The following DRAXIN variants were observed in gnomAD, a reference collection of about 807,000 sequenced individuals.
The protein encoded by DRAXIN is dorsal inhibitory axon guidance protein, also known as dorsal repulsive axon guidance protein.
A neutral mutation model predicts 33.9 loss-of-function variants in DRAXIN; 27 were observed. The observed-to-expected ratio is 0.80, with a 90% CI of 0.59 to 1.10. DRAXIN has a LOEUF of 1.10. DRAXIN is among the 50% of genes least tolerant of loss of function. The probability of loss-of-function intolerance (pLI) is 0.00; values close to 1 mark genes in which losing one functional copy is unlikely to be tolerated. For synonymous variants in DRAXIN, 178 were observed against 194.0 expected (o/e 0.92, Z 0.69); for missense variants, 371 against 460.8 (o/e 0.81, Z 1.78).
Position 11,706,795 on chromosome 1 carries a change from G to C in DRAXIN, c.451+86G>C. The C allele has an allele frequency of 7.2e-7, 1 of 1,394,226 alleles. No individual in the cohort carries two copies. Among genetic ancestry groups the C allele is most frequent in the East Asian group, 2.5e-5 (1 of 40,056 alleles). The allele number at this position is 1,394,226 out of a possible 1,614,324, so 86.4% of individuals were successfully genotyped here. A position where few individuals can be genotyped will look rare whatever the true frequency, so the allele number is the denominator to read the frequency against. ...CAGGAGAGGATGCAGGCAAGGGTCA[G>C]GGGCATGAGGTCCAGAGGAGAGGAG... On this transcript the variant is annotated intron_variant, in intron 2 of 6. Coordinates refer to ENST00000294485, the MANE Select transcript of DRAXIN (RefSeq NM_198545.4). The surrounding 1 kb of genome is among the most constrained non-coding windows in gnomAD (Gnocchi z 5.5).
rs1219205121 is a variant in DRAXIN at position 11,692,094 on chromosome 1, C to A, written c.-11+241C>A. 6.6e-6 allele frequency among the ~76,000 whole-genome samples: 1 copy of A among 152,142 alleles called. No individual in the cohort carries two copies. Among genetic ancestry groups the A allele is most frequent in the Non-Finnish European group, 1.5e-5 (1 of 68,012 alleles). On this transcript the variant is annotated intron_variant, in intron 1 of 6. Transcript: ENST00000294485. This position sits in a 1 kb window ranked among gnomAD's most constrained non-coding sequence, Gnocchi z 5.8. ...TGGCTCTGCTCCCGGGCTCCCCATC[C>A]GTCCACCTACCGCTGGACGCCCACT...
chr1:11,691,101 G>A (rs751736111), upstream of DRAXIN, among the ~76,000 whole-genome samples: 45 of 152,126 alleles, frequency 3.0e-4, no homozygotes, highest in Non-Finnish European at 5.1e-4. Flanking sequence ...AACCCCGCCT[G>A]CCCACTCTGC....
chr1:11,714,504 A>G (rs1641543807), intron 5 of DRAXIN, among the ~76,000 whole-genome samples: 1 of 152,204 alleles, frequency 6.6e-6, no homozygotes, highest in Admixed American at 6.5e-5. Flanking sequence ...CCCAAGAGAG[A>G]TCGGAGCGGC....
chr1:11,702,310 A>G (rs542911532), intron 1 of DRAXIN, among the ~76,000 whole-genome samples: 1 of 151,312 alleles, frequency 6.6e-6, no homozygotes, highest in East Asian at 1.9e-4. Context: ...CACAGCACAC[A>G]CACACGCTCA....
Position 11,691,826 on chromosome 1 carries a change from C to T in DRAXIN, c.-38C>T, listed in dbSNP as rs1403609139. 1 of 151,738 alleles carries T rather than the reference C, an allele frequency of 6.6e-6. No individual in the cohort carries two copies. Among genetic ancestry groups the T allele is most frequent in the Non-Finnish European group, 1.5e-5 (1 of 67,914 alleles). 9.4% of individuals were successfully genotyped at this position (151,738 alleles called of 1,614,324 possible). ...CCCGCGGGCGCTCGGCCCCGAGCCCCTCCTCCCCCTACCCGCCGGCCGGAC... is the reference window on the plus strand; with the variant it reads ...CCCGCGGGCGCTCGGCCCCGAGCCCTTCCTCCCCCTACCCGCCGGCCGGAC... On this transcript the variant is annotated 5_prime_UTR_variant, in exon 1 of 7. Transcript: ENST00000294485.
chr1:11,711,714 G>C (rs1641498015), intron 3 of DRAXIN, 137 bp from the exon 4 acceptor site: 1 of 735,182 alleles, frequency 1.4e-6, no homozygotes, highest in East Asian at 2.7e-5. Flanking sequence ...ATGTCCTTGG[G>C]CTGAGACTCC....
At chr1:11,708,911 A>T (rs542096790) in intron 2 of DRAXIN, among the ~76,000 whole-genome samples, 15 of 152,020 alleles carry the variant, frequency 9.9e-5, no homozygotes, top group African/African-American at 3.6e-4. Context: ...ATTTCTCCCT[A>T]CTCAAACTTC....
intron 1 of DRAXIN, among the ~76,000 whole-genome samples, chr1:11,700,939 C>A (rs114037351): frequency 0.016 from 2,473 of 152,274 alleles, 64 homozygotes; most frequent in African/African-American, 0.057. Flanking sequence ...GCAGGCGGGG[C>A]AGGATCCCCC....
upstream of DRAXIN, among the ~76,000 whole-genome samples, chr1:11,690,108 T>C (rs776227916): frequency 6.6e-6 from 1 of 152,142 alleles, no homozygotes; most frequent in Non-Finnish European, 1.5e-5. The surrounding 1 kb of genome is among the most constrained non-coding windows in gnomAD (Gnocchi z 4.2). Context: ...TAATGTGCTT[T>C]ACTTTTCTTC....
chr1:11,719,938 G>A lies in DRAXIN; in HGVS notation c.*242G>A. On this transcript the variant is annotated 3_prime_UTR_variant, in exon 7 of 7. Coordinates refer to ENST00000294485, the MANE Select transcript of DRAXIN (RefSeq NM_198545.4). The stretch of plus-strand genomic sequence containing the variant: ...ACGCAGCCTCCATCCCGCGTGTCTT[G>A]CTCTCCGCGATGGCAATGCCGAGAG... 2.0e-6 allele frequency: 1 copy of A among 497,256 alleles called. No homozygotes were observed. 30.8% of individuals were successfully genotyped at this position (497,256 alleles called of 1,614,324 possible).
In DRAXIN at chr1:11,706,846, T is replaced by TGG; in HGVS notation, c.451+138_451+139dup. On this transcript the variant is annotated intron_variant, in intron 2 of 6. Coordinates refer to ENST00000294485, the MANE Select transcript of DRAXIN (RefSeq NM_198545.4). The surrounding 1 kb of genome is among the most constrained non-coding windows in gnomAD (Gnocchi z 5.5). The stretch of plus-strand genomic sequence containing the variant: ...GGGTCTCACTGAAGCCAGAGGGACC[T>TGG]GGTAAGGGGAGGAGGCTGGGAGAGG... 1.0e-6 allele frequency: 1 copy of TGG among 986,844 alleles called. No individual in the cohort carries two copies. Among genetic ancestry groups the TGG allele is most frequent in the Non-Finnish European group, 1.4e-6 (1 of 694,850 alleles). 61.1% of individuals were successfully genotyped at this position (986,844 alleles called of 1,614,324 possible).
intron 3 of DRAXIN, among the ~76,000 whole-genome samples, 187 bp downstream of exon 3, chr1:11,709,652 C>A (rs1641445811): frequency 6.6e-6 from 1 of 152,188 alleles, no homozygotes; most frequent in Non-Finnish European, 1.5e-5. Context: ...CCCATCCTGA[C>A]AAGGGTCTGC....
At chr1:11,690,477 G>A (rs1641040404), upstream of DRAXIN, among the ~76,000 whole-genome samples, 1 of 152,166 alleles carries the variant, frequency 6.6e-6, no homozygotes, top group Non-Finnish European at 1.5e-5. The surrounding 1 kb of genome is among the most constrained non-coding windows in gnomAD (Gnocchi z 4.2). Flanking sequence ...TGAAATTTAG[G>A]TATAATCATG....
intron 1 of DRAXIN, among the ~76,000 whole-genome samples, chr1:11,695,204 C>T (rs543316356): frequency 6.6e-6 from 1 of 152,304 alleles, no homozygotes; most frequent in South Asian, 2.1e-4. Flanking sequence ...ACTTGCTCTA[C>T]TAGGCTATCT....
rs1248961247 is a variant in DRAXIN at position 11,721,451 on chromosome 1, A to G, written c.*1755A>G. The stretch of plus-strand genomic sequence containing the variant: ...TCCAGGGCGAACCAGGTTGCAAATG[A>G]CAAAAGACTTTCCTGGCCAAATTCC... On this transcript the variant is annotated 3_prime_UTR_variant, in exon 7 of 7. Transcript: ENST00000294485. 6.6e-6 allele frequency: 1 copy of G among 152,246 alleles called. No homozygotes were observed. Among genetic ancestry groups the G allele is most frequent in the African/African-American group, 2.4e-5 (1 of 41,458 alleles). 9.4% of individuals were successfully genotyped at this position (152,246 alleles called of 1,614,324 possible).
intron 1 of DRAXIN, among the ~76,000 whole-genome samples, chr1:11,700,763 GC>G (rs532821931): frequency 8.5e-5 from 13 of 152,188 alleles, no homozygotes; most frequent in Non-Finnish European, 1.8e-4. Flanking sequence ...CATCTGAGCA[GC>G]ACTGATATCC....
At chr1:11,700,509 GT>G (rs1365170152) in intron 1 of DRAXIN, among the ~76,000 whole-genome samples, 119 of 152,324 alleles carry the variant, frequency 7.8e-4, no homozygotes, top group African/African-American at 2.7e-3. Flanking sequence ...TTCAAATTGG[GT>G]AGAGAATGTA....
At chr1:11,700,887 T>A (rs1641263105) in intron 1 of DRAXIN, among the ~76,000 whole-genome samples, 2 of 152,158 alleles carry the variant, frequency 1.3e-5, no homozygotes, top group South Asian at 4.1e-4. Context: ...CCGACAGCTG[T>A]CCCGAGAAGC....
In DRAXIN at chr1:11,706,134, TG is replaced by T; in HGVS notation, c.-10-112del. ...GTCTTCGGGCATTGCCAAATGTCAC[TG>T]GGAGCAAAATGTCCCTCTATGGCTG... On this transcript the variant is annotated intron_variant, in intron 1 of 6. Transcript: ENST00000294485. This position sits in a 1 kb window ranked among gnomAD's most constrained non-coding sequence, Gnocchi z 5.5. 1 of 1,034,080 alleles carries T rather than the reference TG, an allele frequency of 9.7e-7. No homozygotes were observed. The highest frequency in any genetic ancestry group is 1.4e-6 in the Non-Finnish European group (1 of 735,970). The allele number at this position is 1,034,080 out of a possible 1,614,324, so 64.1% of individuals were successfully genotyped here. A position where few individuals can be genotyped will look rare whatever the true frequency, so the allele number is the denominator to read the frequency against.
Sources: gnomAD v4.1 joint callset for allele counts (sites outside exome capture counted in the v4.1 genomes callset) on GRCh38, gnomAD v4.1.1 for gene constraint, Gnocchi (gnomAD v3.1) non-coding constraint, MANE v1.5 for transcripts, NCBI Gene and HGNC (gene_info 2026-07-23, HGNC 2026-07-21) for gene names.